The following SOWAHA variants were observed in gnomAD, a reference collection of about 807,000 sequenced individuals.
The protein encoded by SOWAHA is sosondowah ankyrin repeat domain family member A.
SOWAHA carries 17 observed loss-of-function variants against 21.1 expected under a neutral mutation model. The ratio of observed to expected loss-of-function variants is 0.80; its 90% CI spans 0.55 to 1.21. The LOEUF is 1.21. Among genes scored for constraint, SOWAHA ranks in the 50% most tolerant of loss-of-function variants. SOWAHA has a pLI of 0.00. For missense variants in SOWAHA, 862 were observed against 816.0 expected, an observed-to-expected ratio of 1.06 and a Z score of -0.69; for synonymous variants, 422 against 397.1, an observed-to-expected ratio of 1.06 and a Z score of -0.75.
In SOWAHA at chr5:132,816,635, T is replaced by C. The variant is rs1207071111; in HGVS notation, c.*1364T>C. The C allele has an allele frequency of 1.2e-5, 2 of 167,160 alleles. No homozygotes were observed. The highest frequency in any genetic ancestry group is 2.9e-5 in the Non-Finnish European group (2 of 68,128). 10.4% of individuals were successfully genotyped at this position (167,160 alleles called of 1,614,324 possible). ...TCTGCTTTTGCAAATTGTGTTTGCATGTCATTAGTTATATCAAATAGTTTT... is the reference window on the plus strand; with the variant it reads ...TCTGCTTTTGCAAATTGTGTTTGCACGTCATTAGTTATATCAAATAGTTTT... On this transcript the variant is annotated 3_prime_UTR_variant, in exon 1 of 1. Transcript: ENST00000378693.
chr5:132,816,547 T>C lies in SOWAHA; in HGVS notation c.*1276T>C, dbSNP rs945082995. 1.8e-5 allele frequency: 3 copies of C among 167,274 alleles called. No individual in the cohort carries two copies. In the East Asian group the frequency reaches 5.8e-4, roughly 32 times the overall value. The allele number at this position is 167,274 out of a possible 1,614,324, so 10.4% of individuals were successfully genotyped here. The stretch of plus-strand genomic sequence containing the variant: ...GGCTCAATACAGTGTAATTATTTTA[T>C]GTTTTAAAGATATGAAATCTGTTTA... On this transcript the variant is annotated 3_prime_UTR_variant, in exon 1 of 1. Transcript: ENST00000378693.
In SOWAHA at chr5:132,815,193, A is replaced by G; in HGVS notation, c.1572A>G (p.Pro524=). Residue 524 remains proline, a synonymous_variant, in exon 1 of 1, where the codon CCA becomes CCG. Coordinates refer to ENST00000378693, the MANE Select transcript of SOWAHA (RefSeq NM_175873.6). ...AGACAAAGATCCGCGGTGGTCTGCC[A>G]GCCTTCTCAGAAATCTCTCGTCGAC... ...RKKTKIRGGL[P]AFSEISRRPT... 6.2e-7 allele frequency: 1 copy of G among 1,613,834 alleles called. No individual in the cohort carries two copies.
chr5:132,814,163 C>A lies in SOWAHA; in HGVS notation c.542C>A (p.Ala181Glu). ...AQATERPSAD[A>E]APPPRAPSEA... ...GCCACCGAGAGACCCTCCGCAGACG[C>A]GGCCCCACCGCCTAGGGCCCCTTCT... The change falls in exon 1 of 1, where the codon GCG becomes GAG. Residue 181 changes from alanine to glutamate, a missense_variant. Ala to Glu is a moderately radical substitution (Grantham distance 107). Coordinates refer to ENST00000378693, the MANE Select transcript of SOWAHA (RefSeq NM_175873.6). 1 of 1,599,040 alleles carries A rather than the reference C, an allele frequency of 6.3e-7. No homozygotes were observed. The highest frequency in any genetic ancestry group is 1.1e-5 in the South Asian group (1 of 90,730).
Position 132,814,520 on chromosome 5 carries a change from C to A in SOWAHA, c.899C>A (p.Pro300Gln). 7.3e-7 allele frequency: 1 copy of A among 1,366,966 alleles called. No homozygotes were observed. Among genetic ancestry groups the A allele is most frequent in the Non-Finnish European group, 9.3e-7 (1 of 1,071,544 alleles). The allele number at this position is 1,366,966 out of a possible 1,614,324, so 84.7% of individuals were successfully genotyped here. Residue 300 changes from proline to glutamine, a missense_variant, in exon 1 of 1, where the codon CCG becomes CAG. Coordinates refer to ENST00000378693, the MANE Select transcript of SOWAHA (RefSeq NM_175873.6). ...GACGCCGAGGAGTTGCCCGCCGCGCCGCCGCCGTCCGCGGTGCCCCTGGAG... is the reference window on the plus strand; with the variant it reads ...GACGCCGAGGAGTTGCCCGCCGCGCAGCCGCCGTCCGCGGTGCCCCTGGAG... Reference protein sequence around the residue: ...SPDAEELPAAPPPSAVPLEPS... With the variant: ...SPDAEELPAAQPPSAVPLEPS...
In SOWAHA at chr5:132,813,901, G is replaced by A. The variant is rs114865630; in HGVS notation, c.280G>A (p.Gly94Ser). ...CCCGGAGCCCGAGCCCGCACCCTTCGGCCCCCCGGGGGCAGCGGCCCAGCC... is the reference window on the plus strand; with the variant it reads ...CCCGGAGCCCGAGCCCGCACCCTTCAGCCCCCCGGGGGCAGCGGCCCAGCC... ...RPPEPEPAPF[G>S]PPGAAAQPSK... The change falls in exon 1 of 1, where the codon GGC becomes AGC. Residue 94 changes from glycine to serine, a missense_variant. Physicochemically the swap from Gly to Ser is moderately conservative, Grantham distance 56 (BLOSUM62 0). Transcript: ENST00000378693. The A allele has an allele frequency of 6.4e-3, 9,826 of 1,546,832 alleles. 432 individuals are homozygous for A. In the African/African-American group the frequency reaches 0.11, roughly 17 times the overall value.
chr5:132,814,949 T>C lies in SOWAHA; in HGVS notation c.1328T>C (p.Leu443Pro), dbSNP rs780356725. The C allele has an allele frequency of 1.3e-6, 2 of 1,574,190 alleles. No individual in the cohort carries two copies. The highest frequency in any genetic ancestry group is 2.3e-5 in the East Asian group (1 of 42,598). Residue 443 changes from leucine to proline, a missense_variant, in exon 1 of 1, where the codon CTG (leucine) becomes CCG (proline). Physicochemically the swap from Leu to Pro is moderately conservative, Grantham distance 98. Transcript: ENST00000378693. ...CGCCGCCTTCTTGGCGATCCAGGCC[T>C]GCGAGGCACCACGGAGCCAGATGCG... ...ALRRLLGDPG[L>P]RGTTEPDATG...
In SOWAHA at chr5:132,815,404, AC is replaced by A; in HGVS notation, c.*136del. The A allele has an allele frequency of 1.3e-6, 1 of 770,158 alleles. No individual in the cohort carries two copies. The highest frequency in any genetic ancestry group is 2.1e-6 in the Non-Finnish European group (1 of 482,956). The allele number at this position is 770,158 out of a possible 1,614,324, so 47.7% of individuals were successfully genotyped here. On this transcript the variant is annotated 3_prime_UTR_variant, in exon 1 of 1. Transcript: ENST00000378693. ...AGCTTTGTCCAGGGCAGCCTGTTTT[AC>A]CCAGATGGGCCTGCACCTCCAGCTT...
rs1246665048 is a variant in SOWAHA, at chr5:132,813,511, C to T, written c.-111C>T. The T allele has an allele frequency of 7.5e-5, 53 of 703,216 alleles. No homozygotes were observed. Among genetic ancestry groups the T allele is most frequent in the Non-Finnish European group, 9.2e-5 (51 of 553,738 alleles). The allele number at this position is 703,216 out of a possible 1,614,324, so 43.6% of individuals were successfully genotyped here. A position where few individuals can be genotyped will look rare whatever the true frequency, so the allele number is the denominator to read the frequency against. The stretch of plus-strand genomic sequence containing the variant: ...CTTCGGGGACACGCCCGGCTGGCCG[C>T]GGGGAAGGCACCAGGTGAGCGCGGC... On this transcript the variant is annotated 5_prime_UTR_variant, in exon 1 of 1. Coordinates refer to ENST00000378693, the MANE Select transcript of SOWAHA (RefSeq NM_175873.6).
In SOWAHA at chr5:132,814,611, G is replaced by C; in HGVS notation, c.990G>C (p.Leu330=). 6.6e-7 allele frequency: 1 copy of C among 1,518,162 alleles called. No homozygotes were observed. Among genetic ancestry groups the C allele is most frequent in the East Asian group, 2.6e-5 (1 of 39,214 alleles). The allele number at this position is 1,518,162 out of a possible 1,614,324, so 94.0% of individuals were successfully genotyped here. A position where few individuals can be genotyped will look rare whatever the true frequency, so the allele number is the denominator to read the frequency against. ...GGRWTHQLHG[L]LLRDRGLAAK... ...GCTGGACCCACCAGCTGCACGGGCT[G>C]CTGCTGCGCGACCGCGGCTTGGCGG... The change falls in exon 1 of 1, where the codon CTG becomes CTC. Residue 330 remains leucine, a synonymous_variant. Coordinates refer to ENST00000378693, the MANE Select transcript of SOWAHA (RefSeq NM_175873.6).
rs754827902 is a variant in SOWAHA, at chr5:132,814,063, C to T, written c.442C>T (p.Pro148Ser). Reference protein sequence around the residue: ...PTEPQDTPGGPASEPAQPPGE... With the variant: ...PTEPQDTPGGSASEPAQPPGE... ...AGAGCCACAGGACACCCCGGGGGGG[C>T]CGGCCTCCGAGCCCGCTCAGCCGCC... Residue 148 changes from proline (P) to serine (S), a missense_variant, in exon 1 of 1, where the codon CCG (proline) becomes TCG (serine). Transcript: ENST00000378693. The T allele has an allele frequency of 3.2e-6, 5 of 1,568,774 alleles. No individual in the cohort carries two copies.
In SOWAHA at chr5:132,815,996, G is replaced by A. The variant is rs996228291; in HGVS notation, c.*725G>A. ...GAATGTAACTAATTTCAGTTGTACT[G>A]TGAATGCTAAATATTTGCAAACAAG... is the stretch of plus-strand genomic sequence containing the variant. On this transcript the variant is annotated 3_prime_UTR_variant, in exon 1 of 1. Coordinates refer to ENST00000378693, the MANE Select transcript of SOWAHA (RefSeq NM_175873.6). The A allele has an allele frequency of 1.2e-5, 2 of 167,034 alleles. No homozygotes were observed. Among genetic ancestry groups the A allele is most frequent in the East Asian group, 1.9e-4 (1 of 5,208 alleles). 10.3% of individuals were successfully genotyped at this position (167,034 alleles called of 1,614,324 possible).
Position 132,813,867 on chromosome 5 carries a change from GCCCCGGC to G in SOWAHA, c.253_259del (p.Pro85SerfsTer84), listed in dbSNP as rs1186953452. Reference sequence around the variant, plus strand: ...TCAAGTTCGTGGTGCTGAGGAAGAAGCCCCGGCCCCCGGAGCCCGAGCCCGCACCCTT... The same window carrying G: ...TCAAGTTCGTGGTGCTGAGGAAGAAGCCCCGGAGCCCGAGCCCGCACCCTT... On this transcript the variant is annotated frameshift_variant, in exon 1 of 1. Coordinates refer to ENST00000378693, the MANE Select transcript of SOWAHA (RefSeq NM_175873.6). LOFTEE classifies it high-confidence loss of function. 6 of 1,548,584 alleles carry G rather than the reference GCCCCGGC, an allele frequency of 3.9e-6. No individual in the cohort carries two copies. The highest frequency in any genetic ancestry group is 5.2e-6 in the Non-Finnish European group (6 of 1,146,126).
rs1758350762 is a variant in SOWAHA, at chr5:132,814,359, G to C, written c.738G>C (p.Glu246Asp). The change falls in exon 1 of 1, where the codon GAG becomes GAC. Residue 246 changes from glutamate to aspartate, a missense_variant. By Grantham distance (45) the Glu-to-Asp change is conservative. Transcript: ENST00000378693. ...GCCTGCGCCGGCAGCTGTCGGAGGA[G>C]CCGAGCCCGCGGAGCTCCCCTCTGC... Reference protein sequence around the residue: ...EPGLRRQLSEEPSPRSSPLLL... With the variant: ...EPGLRRQLSEDPSPRSSPLLL... 3 of 1,489,816 alleles carry C rather than the reference G, an allele frequency of 2.0e-6. No homozygotes were observed. Among genetic ancestry groups the C allele is most frequent in the Non-Finnish European group, 1.8e-6 (2 of 1,128,670 alleles). 92.3% of individuals were successfully genotyped at this position (1,489,816 alleles called of 1,614,324 possible).
In SOWAHA at chr5:132,814,033, C is replaced by A; in HGVS notation, c.412C>A (p.Pro138Thr). Residue 138 changes from proline (P) to threonine (T), a missense_variant, in exon 1 of 1, where the codon CCA becomes ACA. By Grantham distance (38) the Pro-to-Thr change is conservative. Transcript: ENST00000378693. ...PVEPPGDLGLPTEPQDTPGGP... is the reference protein window; with the variant it reads ...PVEPPGDLGLTTEPQDTPGGP... ...GGAGCCGCCAGGGGACCTGGGTCTG[C>A]CAACAGAGCCACAGGACACCCCGGG... The A allele has an allele frequency of 6.4e-7, 1 of 1,551,540 alleles. No homozygotes were observed. Among genetic ancestry groups the A allele is most frequent in the Non-Finnish European group, 8.7e-7 (1 of 1,153,066 alleles).
chr5:132,815,554 A>G lies in SOWAHA; in HGVS notation c.*283A>G. 1 of 323,362 alleles carries G rather than the reference A, an allele frequency of 3.1e-6. No homozygotes were observed. The allele number at this position is 323,362 out of a possible 1,614,324, so 20.0% of individuals were successfully genotyped here. On this transcript the variant is annotated 3_prime_UTR_variant, in exon 1 of 1. Coordinates refer to ENST00000378693, the MANE Select transcript of SOWAHA (RefSeq NM_175873.6). ...ACTTGAAATCCAGGGTCAAAGGTTA[A>G]GGGGCAGCAGCTGGTCTGGCCCCTG...
In SOWAHA at chr5:132,814,365, C is replaced by A. The variant is rs964428880; in HGVS notation, c.744C>A (p.Ser248Arg). ...GLRRQLSEEP[S>R]PRSSPLLLRR... is the part of the protein sequence containing the mutation. ...GCCGGCAGCTGTCGGAGGAGCCGAGCCCGCGGAGCTCCCCTCTGCTGCTGA... is the reference window on the plus strand; with the variant it reads ...GCCGGCAGCTGTCGGAGGAGCCGAGACCGCGGAGCTCCCCTCTGCTGCTGA... The change falls in exon 1 of 1, where the codon AGC (serine) becomes AGA (arginine). Residue 248 changes from serine (S) to arginine (R), a missense_variant. Transcript: ENST00000378693. 1.3e-6 allele frequency: 2 copies of A among 1,491,370 alleles called. No homozygotes were observed. The highest frequency in any genetic ancestry group is 2.9e-5 in the African/African-American group (2 of 68,212). 92.4% of individuals were successfully genotyped at this position (1,491,370 alleles called of 1,614,324 possible). A position where few individuals can be genotyped will look rare whatever the true frequency, so the allele number is the denominator to read the frequency against.
rs1160385975 is a variant in SOWAHA at position 132,814,439 on chromosome 5, G to A, written c.818G>A (p.Gly273Asp). 12 of 1,470,596 alleles carry A rather than the reference G, an allele frequency of 8.2e-6. No individual in the cohort carries two copies. Among genetic ancestry groups the A allele is most frequent in the Non-Finnish European group, 1.1e-5 (12 of 1,119,564 alleles). The allele number at this position is 1,470,596 out of a possible 1,614,324, so 91.1% of individuals were successfully genotyped here. A position where few individuals can be genotyped will look rare whatever the true frequency, so the allele number is the denominator to read the frequency against. The change falls in exon 1 of 1, where the codon GGC (glycine) becomes GAC (aspartate). Residue 273 changes from glycine to aspartate, a missense_variant. Transcript: ENST00000378693. ...ESGLGLGLGP[G>D]RSPHLRRLSR... ...GGTCTGGGCCTCGGCCTGGGCCCGG[G>A]CCGCTCCCCGCACCTGAGGCGCCTG...
rs1758321977 is a variant in SOWAHA, at chr5:132,813,339, G to A, written c.-283G>A. Among the ~76,000 whole-genome samples, 1 of 152,024 alleles carries A rather than the reference G, an allele frequency of 6.6e-6. No individual in the cohort carries two copies. The highest frequency in any genetic ancestry group is 1.5e-5 in the Non-Finnish European group (1 of 67,984). Reference sequence around the variant, plus strand: ...AGCGCGGCGCGGGGGATGGAAGCAGGCGCCCATTGGACAGAATACAAAGGC... The same window carrying A: ...AGCGCGGCGCGGGGGATGGAAGCAGACGCCCATTGGACAGAATACAAAGGC... On this transcript the variant is annotated 5_prime_UTR_variant, in exon 1 of 1. Coordinates refer to ENST00000378693, the MANE Select transcript of SOWAHA (RefSeq NM_175873.6).
rs756359905 is a variant in SOWAHA at position 132,814,060 on chromosome 5, G to T, written c.439G>T (p.Gly147Trp). 7 of 1,568,006 alleles carry T rather than the reference G, an allele frequency of 4.5e-6. No homozygotes were observed. The highest frequency in any genetic ancestry group is 6.0e-6 in the Non-Finnish European group (7 of 1,162,418). ...AACAGAGCCACAGGACACCCCGGGG[G>T]GGCCGGCCTCCGAGCCCGCTCAGCC... ...LPTEPQDTPG[G>W]PASEPAQPPG... The change falls in exon 1 of 1, where the codon GGG becomes TGG. Residue 147 changes from glycine to tryptophan, a missense_variant. Coordinates refer to ENST00000378693, the MANE Select transcript of SOWAHA (RefSeq NM_175873.6).
Sources: allele counts gnomAD v4.1 joint callset (sites outside exome capture counted in the v4.1 genomes callset), GRCh38; gene constraint gnomAD v4.1.1; transcripts MANE v1.5; gene names NCBI Gene and HGNC (gene_info 2026-07-23, HGNC 2026-07-21).